Variants in TMEM255A observed in about 807,000 individuals in gnomAD.
TMEM255A encodes the protein family with sequence similarity 70, member A.
A neutral mutation model predicts 23.5 loss-of-function variants in TMEM255A; 14 were observed. The ratio of observed to expected loss-of-function variants is 0.60; its 90% CI spans 0.39 to 0.93. The LOEUF (loss-of-function observed/expected upper bound fraction) is 0.93. Among genes scored for constraint, TMEM255A ranks in the 40% least tolerant of loss-of-function variants. TMEM255A has a pLI of 0.00. For missense variants in TMEM255A, 233 were observed against 261.7 expected (o/e 0.89, Z 0.76); for synonymous variants, 104 against 100.3 (o/e 1.04, Z -0.22).
intron 1 of TMEM255A, among the ~76,000 whole-genome samples, chrX:120,310,732 C>G (rs1323127625): frequency 2.2e-5 from 1 of 45,974 alleles, no homozygotes; most frequent in African/African-American, 1.1e-4. Context: ...GCAACCCGCC[C>G]CCCCCCCCCA....
At chrX:120,308,902 G>A (rs1334067771) in intron 1 of TMEM255A, among the ~76,000 whole-genome samples, 1 of 113,106 alleles carries the variant, frequency 8.8e-6, no homozygotes, top group Non-Finnish European at 1.9e-5. Flanking sequence ...GCACCTTGGT[G>A]CAGTGTGTCT....
chrX:120,260,104 G>T lies in TMEM255A; in HGVS notation c.*766C>A, dbSNP rs1477697223. 1 of 735,320 alleles carries T rather than the reference G, an allele frequency of 1.4e-6. No individual in the cohort carries two copies. The highest frequency in any genetic ancestry group is 1.6e-6 in the Non-Finnish European group (1 of 623,002). 60.6% of individuals were successfully genotyped at this position (735,320 alleles called of 1,213,427 possible). A position where few individuals can be genotyped will look rare whatever the true frequency, so the allele number is the denominator to read the frequency against. On this transcript the variant is annotated 3_prime_UTR_variant, in exon 9 of 9. Transcript: ENST00000371369. ...ATATCTCCTGTAGCAAATGTATTTT[G>T]TAATAATGCAACATGTAGTAGAACC...
chrX:120,257,480 A>ATATAG (rs1361454970), downstream of TMEM255A: 3 of 123,185 alleles, frequency 2.4e-5, no homozygotes, highest in Non-Finnish European at 5.6e-5. Flanking sequence ...CTATTATGAC[A>ATATAG]AACCAGGAAC....
At chrX:120,252,995 C>A in the TMEM255A span, among the ~76,000 whole-genome samples, 7 of 111,829 alleles carry the variant, frequency 6.3e-5, no homozygotes, top group Non-Finnish European at 1.1e-4. Flanking sequence ...CATTTACAGG[C>A]GAAATAACTT....
At position 120,276,930 on chromosome X, in the gene TMEM255A, G is replaced by A. The variant is rs150211525; in HGVS notation, c.630C>T (p.Phe210=). The change falls in exon 7 of 9, where the codon TTC becomes TTT. Residue 210 remains phenylalanine (F), a synonymous_variant. Transcript: ENST00000371369. ...SATILNIVGL[F]LGIITAAVLG... Reference sequence around the variant, plus strand: ...GGACAGCGGCAGTGATGATGCCCAGGAACAGGCCAACAATGTTGAGGATGG... The same window carrying A: ...GGACAGCGGCAGTGATGATGCCCAGAAACAGGCCAACAATGTTGAGGATGG... 14 of 1,209,997 alleles carry A rather than the reference G, an allele frequency of 1.2e-5. No individual in the cohort carries two copies. In the Admixed American group the frequency reaches 3.1e-4, roughly 26 times the overall value.
rs1556026622 is a variant in TMEM255A, at chrX:120,304,471, G to C, written c.79C>G (p.Arg27Gly). 2.5e-6 allele frequency: 3 copies of C among 1,207,819 alleles called. No individual in the cohort carries two copies. The highest frequency in any genetic ancestry group is 3.5e-5 in the South Asian group (2 of 56,443). ...DSMGAFNRRKRNSIYVTVTLL... is the reference protein window; with the variant it reads ...DSMGAFNRRKGNSIYVTVTLL... ...GTCACGGTGACATAGATGGAGTTTC[G>C]TTTCCTCCGATTGAATGCTCCTGAA... The change falls in exon 2 of 9, where the codon CGA (arginine) becomes GGA (glycine). Residue 27 changes from arginine to glycine, a missense_variant. Physicochemically the swap from Arg to Gly is moderately radical, Grantham distance 125. Transcript: ENST00000371369.
chrX:120,308,255 T>A (rs1412566660), intron 1 of TMEM255A, among the ~76,000 whole-genome samples: 2 of 112,342 alleles, frequency 1.8e-5, no homozygotes, highest in Non-Finnish European at 3.8e-5. Flanking sequence ...ATTGTGTATC[T>A]GAGGGAACCA....
chrX:120,260,839 A>T lies in TMEM255A; in HGVS notation c.*31T>A, dbSNP rs782444197. ...ACTGAAGCAGAAATACAAAAGCCAC[A>T]ATAATCTCAATAGCCAGCAGGCATT... On this transcript the variant is annotated 3_prime_UTR_variant, in exon 9 of 9. Transcript: ENST00000371369. 5.0e-6 allele frequency: 6 copies of T among 1,197,973 alleles called. No individual in the cohort carries two copies. The highest frequency in any genetic ancestry group is 1.8e-5 in the African/African-American group (1 of 56,404).
At chrX:120,291,393 T>C in intron 3 of TMEM255A, 53 bp from the exon 4 acceptor site, 1 of 1,018,398 alleles carries the variant, frequency 9.8e-7, no homozygotes, top group Non-Finnish European at 1.4e-6. Context: ...ACTTGCTGCC[T>C]CTGGGGACCA....
rs1237411791 is a variant in TMEM255A at position 120,276,957 on chromosome X, G to A, written c.603C>T (p.Ala201=). The change falls in exon 7 of 9, where the codon GCC becomes GCT. Residue 201 remains alanine (A), a synonymous_variant. Coordinates refer to ENST00000371369, the MANE Select transcript of TMEM255A (RefSeq NM_001104544.3). The part of the protein sequence containing the change: ...IIHLYHLLWS[A]TILNIVGLFL... ...ACAGGCCAACAATGTTGAGGATGGT[G>A]GCAGACCAGAGCAGGTGGTAGAGGT... 8.3e-7 allele frequency: 1 copy of A among 1,209,606 alleles called. No homozygotes were observed. Among genetic ancestry groups the A allele is most frequent in the Non-Finnish European group, 1.1e-6 (1 of 894,737 alleles).
At chrX:120,277,237 C>T (rs942772599) in intron 6 of TMEM255A, among the ~76,000 whole-genome samples, 190 bp from the exon 7 acceptor site, 3 of 111,632 alleles carry the variant, frequency 2.7e-5, no homozygotes, top group African/African-American at 9.8e-5. Context: ...TATCCCCACT[C>T]CCCGAAAAAA....
At position 120,259,017 on chromosome X, in the gene TMEM255A, G is replaced by A. The variant is rs2057657193; in HGVS notation, c.*1853C>T. ...ATACTGTTTCAGGTTATTTTGTAAAGTAAGAAAAATACATAGAAATGAGCC... is the reference window on the plus strand; with the variant it reads ...ATACTGTTTCAGGTTATTTTGTAAAATAAGAAAAATACATAGAAATGAGCC... On this transcript the variant is annotated 3_prime_UTR_variant, in exon 9 of 9. Transcript: ENST00000371369. 8.9e-6 allele frequency: 1 copy of A among 112,644 alleles called. No individual in the cohort carries two copies. Among genetic ancestry groups the A allele is most frequent in the Non-Finnish European group, 1.9e-5 (1 of 53,224 alleles). The allele number at this position is 112,644 out of a possible 1,213,427, so 9.3% of individuals were successfully genotyped here.
intron 5 of TMEM255A, 52 bp from the exon 6 acceptor site, chrX:120,285,267 A>T: frequency 9.7e-7 from 1 of 1,035,457 alleles, no homozygotes; most frequent in South Asian, 1.9e-5. Context: ...AGGAAGCAGG[A>T]CCCTCTGGGA....
chrX:120,259,691 A>G lies in TMEM255A; in HGVS notation c.*1179T>C, dbSNP rs782114295. ...TGGGTGCAAAAGCTTTAAACTCATC[A>G]GGTTGATGGTTTAAAGCTATGTGTA... On this transcript the variant is annotated 3_prime_UTR_variant, in exon 9 of 9. Coordinates refer to ENST00000371369, the MANE Select transcript of TMEM255A (RefSeq NM_001104544.3). The G allele has an allele frequency of 1.8e-5, 2 of 112,498 alleles. No homozygotes were observed. Among genetic ancestry groups the G allele is most frequent in the South Asian group, 7.5e-4 (2 of 2,672 alleles). 9.3% of individuals were successfully genotyped at this position (112,498 alleles called of 1,213,427 possible). A position where few individuals can be genotyped will look rare whatever the true frequency, so the allele number is the denominator to read the frequency against.
At position 120,296,966 on chromosome X, in the gene TMEM255A, ATAATAT is replaced by A. The variant is rs2057987056; in HGVS notation, c.202-2921_202-2916del. Reference sequence around the variant, plus strand: ...ATTATATATATATTATATATAATATATAATATTATATATATTATATATATATTATAT... The same window carrying A: ...ATTATATATATATTATATATAATATATATATATATTATATATATATTATAT... On this transcript the variant is annotated intron_variant, in intron 2 of 8. Coordinates refer to ENST00000371369, the MANE Select transcript of TMEM255A (RefSeq NM_001104544.3). 1.3e-3 allele frequency among the ~76,000 whole-genome samples: 3 copies of A among 2,364 alleles called. 1 individual carries two copies. Among genetic ancestry groups the A allele is most frequent in the Non-Finnish European group, 1.7e-3 (3 of 1,816 alleles). 2.1% of individuals were successfully genotyped at this position (2,364 alleles called of 115,157 possible). A position where few individuals can be genotyped will look rare whatever the true frequency, so the allele number is the denominator to read the frequency against.
At chrX:120,264,353 A>T (rs2057701028) in intron 8 of TMEM255A, among the ~76,000 whole-genome samples, 2 of 110,971 alleles carry the variant, frequency 1.8e-5, no homozygotes, top group Non-Finnish European at 3.8e-5. Context: ...CCTGCTTTGG[A>T]GTATGAGGAG....
intron 3 of TMEM255A, among the ~76,000 whole-genome samples, chrX:120,292,705 A>G (rs1349752413): frequency 4.6e-5 from 5 of 108,151 alleles, no homozygotes; most frequent in Non-Finnish European, 9.6e-5. Context: ...GGTTGCAGTG[A>G]GCCGAGATGG....
chrX:120,254,215 T>C (rs782650704), downstream of TMEM255A: 1 of 1,210,326 alleles, frequency 8.3e-7, no homozygotes, highest in Non-Finnish European at 1.1e-6. Flanking sequence ...AGTGAAAAAT[T>C]GTTGGTATCT....
rs2057982546 is a variant in TMEM255A, at chrX:120,296,912, TATATTATATATAATATTATATATATA to T, written c.202-2887_202-2862del. Among the ~76,000 whole-genome samples the T allele has an allele frequency of 5.8e-4, 2 of 3,420 alleles. 1 individual carries two copies. The highest frequency in any genetic ancestry group is 0.012 in the Admixed American group (2 of 165). The allele number at this position is 3,420 out of a possible 115,157, so 3.0% of individuals were successfully genotyped here. A position where few individuals can be genotyped will look rare whatever the true frequency, so the allele number is the denominator to read the frequency against. ...TATATGATATATATAATATTATATA[TATATTATATATAATATTATATATATA>T]ATATTATATATATATTATATATAAT... is the stretch of plus-strand genomic sequence containing the variant. On this transcript the variant is annotated intron_variant, in intron 2 of 8. Coordinates refer to ENST00000371369, the MANE Select transcript of TMEM255A (RefSeq NM_001104544.3).
Sources: allele counts gnomAD v4.1 joint callset (sites outside exome capture counted in the v4.1 genomes callset), GRCh38; gene constraint gnomAD v4.1.1; transcripts MANE v1.5; gene names NCBI Gene and HGNC (gene_info 2026-07-23, HGNC 2026-07-21).